Variants in DDX5 observed in about 807,000 individuals in gnomAD.
The protein encoded by DDX5 is probable ATP-dependent RNA helicase DDX5.
Under a neutral mutation model 68.6 loss-of-function variants are expected in DDX5, and 6 were observed. That is an observed-to-expected ratio of 0.09 (90% confidence interval 0.05 to 0.17). DDX5 has a LOEUF of 0.17. DDX5 is among the 10% of genes least tolerant of loss of function. DDX5 has a pLI of 1.00. For synonymous variants in DDX5, 350 were observed against 247.0 expected, an observed-to-expected ratio of 1.42 and a Z score of -3.91; for missense variants, 499 against 756.1, an observed-to-expected ratio of 0.66 and a Z score of 3.99.
rs1303711758 is a variant in DDX5 at position 64,504,898 on chromosome 17, T to A, written c.45-56A>T. 2.0e-6 allele frequency: 3 copies of A among 1,532,162 alleles called. No homozygotes were observed. In the African/African-American group the frequency reaches 4.2e-5, roughly 21 times the overall value. The allele number at this position is 1,532,162 out of a possible 1,614,324, so 94.9% of individuals were successfully genotyped here. A position where few individuals can be genotyped will look rare whatever the true frequency, so the allele number is the denominator to read the frequency against. Reference sequence around the variant, plus strand: ...TCAAATGGCTATACCCAGGTTTCTGTATAGATTTGTCATCCATTGGCACAA... The same window carrying A: ...TCAAATGGCTATACCCAGGTTTCTGAATAGATTTGTCATCCATTGGCACAA... On this transcript the variant is annotated intron_variant, in intron 1 of 12. Transcript: ENST00000225792.
chr17:64,506,720 A>T, upstream of DDX5: 2 of 404,928 alleles, frequency 4.9e-6, no homozygotes, highest in Non-Finnish European at 9.0e-6. Context: ...TTTCCCGTTG[A>T]CGTCGGCGGA....
chr17:64,506,380 C>A, upstream of DDX5: 1 of 1,411,358 alleles, frequency 7.1e-7, no homozygotes, highest in Non-Finnish European at 9.2e-7. Flanking sequence ...CTAATCGCCC[C>A]GCCCCTCGCG....
In DDX5 at chr17:64,506,151, A is replaced by C; in HGVS notation, c.-32T>G. ...AATGGTTGCGGTTGGCGGGGAACGAAGTATATAGAAAAGCGTGCGACAAGT... is the reference window on the plus strand; with the variant it reads ...AATGGTTGCGGTTGGCGGGGAACGACGTATATAGAAAAGCGTGCGACAAGT... On this transcript the variant is annotated 5_prime_UTR_variant, in exon 1 of 13. Coordinates refer to ENST00000225792, the MANE Select transcript of DDX5 (RefSeq NM_004396.5). 1.2e-6 allele frequency: 2 copies of C among 1,606,998 alleles called. No individual in the cohort carries two copies. Among genetic ancestry groups the C allele is most frequent in the East Asian group, 2.2e-5 (1 of 44,674 alleles).
At chr17:64,503,706 C>T in intron 5 of DDX5, 97 bp downstream of exon 5, 1 of 1,530,266 alleles carries the variant, frequency 6.5e-7, no homozygotes, top group Non-Finnish European at 8.9e-7. Flanking sequence ...GTGAGCTAAC[C>T]TCTATATAAA....
At chr17:64,502,664 G>C in intron 8 of DDX5, 115 bp from the exon 9 acceptor site, 1 of 812,304 alleles carries the variant, frequency 1.2e-6, no homozygotes, top group Non-Finnish European at 1.9e-6. Context: ...AAGTCAAAGA[G>C]GAAACGCCTG....
In DDX5 at chr17:64,504,830, A is replaced by T. The variant is rs147893490; in HGVS notation, c.57T>A (p.Pro19=). The change falls in exon 2 of 13, where the codon CCT becomes CCA. Residue 19 remains proline (P), a synonymous_variant. Coordinates refer to ENST00000225792, the MANE Select transcript of DDX5 (RefSeq NM_004396.5). The part of the protein sequence containing the change: ...DRGRDRGFGA[P]RFGGSRAGPL... ...GCCCTGCCCTACTTCCTCCAAATCG[A>T]GGTGCACCAAACCTGGAATGAAAAA... is the stretch of plus-strand genomic sequence containing the variant. The T allele has an allele frequency of 6.1e-5, 97 of 1,602,466 alleles. No individual in the cohort carries two copies. The highest frequency in any genetic ancestry group is 3.2e-4 in the Admixed American group (18 of 56,510).
intron 1 of DDX5, 44 bp downstream of exon 1, chr17:64,506,032 A>AACCCCCCC: frequency 1.1e-4 from 49 of 442,036 alleles, no homozygotes; most frequent in Non-Finnish European, 1.4e-4. Context: ...CCGCCCTCCC[A>AACCCCCCC]TCCCCCCACC....
intron 1 of DDX5, 44 bp downstream of exon 1, chr17:64,506,032 A>ACAC: frequency 2.3e-6 from 1 of 442,546 alleles, no homozygotes; most frequent in Non-Finnish European, 3.1e-6. Flanking sequence ...CCGCCCTCCC[A>ACAC]TCCCCCCACC....
chr17:64,503,128 T>A, intron 7 of DDX5, 30 bp from the exon 8 acceptor site: 1 of 1,611,794 alleles, frequency 6.2e-7, no homozygotes, highest in East Asian at 2.2e-5. Context: ...AAAATTAGTA[T>A]CAGACTCTTA....
rs1598149523 is a variant in DDX5, at chr17:64,503,084, A to G, written c.825T>C (p.Thr275=). ...IVDQIRPDRQ[T]LMWSATWPKE... ...TTGGCCAAGTCGCACTCCACATTAG[A>G]GTTTGCCTATCAGGCTAATGGATTT... is the stretch of plus-strand genomic sequence containing the variant. The change falls in exon 8 of 13, where the codon ACT becomes ACC. Residue 275 remains threonine (T), a synonymous_variant. Transcript: ENST00000225792. 6 of 1,613,468 alleles carry G rather than the reference A, an allele frequency of 3.7e-6. No individual in the cohort carries two copies. Among genetic ancestry groups the G allele is most frequent in the Non-Finnish European group, 5.1e-6 (6 of 1,179,638 alleles).
chr17:64,502,091 T>TG (rs1568101821), intron 10 of DDX5, 22 bp from the exon 11 acceptor site: 1 of 1,614,002 alleles, frequency 6.2e-7, no homozygotes, highest in Non-Finnish European at 8.5e-7. Flanking sequence ...GGCATATACA[T>TG]GATCAATTAT....
At chr17:64,505,173 C>T (rs1464013942) in intron 1 of DDX5, 1 of 289,234 alleles carries the variant, frequency 3.5e-6, no homozygotes, top group African/African-American at 2.2e-5. Context: ...TAATCTTCCC[C>T]ACCAGCCTAG....
chr17:64,506,309 C>T (rs1272073779), upstream of DDX5: 11 of 1,510,224 alleles, frequency 7.3e-6, no homozygotes, highest in South Asian at 8.8e-5. Flanking sequence ...TTTCCGGCAG[C>T]CGCTTTTATA....
At chr17:64,506,019 G>GTGGCCCCC in intron 1 of DDX5, 57 bp downstream of exon 1, 1 of 1,360,436 alleles carries the variant, frequency 7.4e-7, no homozygotes, top group Non-Finnish European at 1.0e-6. Flanking sequence ...CCGCCACCCT[G>GTGGCCCCC]ACCCGCCCTC....
chr17:64,506,772 C>T (rs1221435101), upstream of DDX5: 4 of 520,534 alleles, frequency 7.7e-6, no homozygotes, highest in South Asian at 6.5e-5. Flanking sequence ...GCGCTGCTCG[C>T]ACCCCGGGAC....
At position 64,504,206 on chromosome 17, in the gene DDX5, G is replaced by T; in HGVS notation, c.307+16C>A. ...AACAAAAACACGGGTAGGTAGAACT[G>T]AAAAGTAGCACTTACCAGGGAAATT... On this transcript the variant is annotated intron_variant, in intron 3 of 12. Transcript: ENST00000225792. The T allele has an allele frequency of 6.2e-7, 1 of 1,613,514 alleles. No homozygotes were observed. The highest frequency in any genetic ancestry group is 8.5e-7 in the Non-Finnish European group (1 of 1,179,438).
chr17:64,506,168 G>T lies in DDX5; in HGVS notation c.-49C>A, dbSNP rs782207249. 7 of 1,596,642 alleles carry T rather than the reference G, an allele frequency of 4.4e-6. No homozygotes were observed. In the Middle Eastern group the frequency reaches 5.0e-4, roughly 113 times the overall value. On this transcript the variant is annotated 5_prime_UTR_variant, in exon 1 of 13. Transcript: ENST00000225792. ...GGGAACGAAGTATATAGAAAAGCGT[G>T]CGACAAGTCGCTGGAAATGGCCTCG...
intron 1 of DDX5, chr17:64,505,421 G>T (rs528571490): frequency 3.7e-6 from 2 of 544,358 alleles, no homozygotes; most frequent in East Asian, 6.1e-5. Flanking sequence ...AAAAAGAAAA[G>T]GAGGAGCCGG....
chr17:64,504,275 C>G lies in DDX5; in HGVS notation c.254G>C (p.Arg85Thr). 1.2e-6 allele frequency: 2 copies of G among 1,614,128 alleles called. No individual in the cohort carries two copies. The highest frequency in any genetic ancestry group is 1.7e-6 in the Non-Finnish European group (2 of 1,180,032). ...TYRRSKEITV[R>T]GHNCPKPVLN... ...AACTGGCTTCGGGCAGTTGTGACCT[C>G]TAACTGTAATTTCCTTGCTTCTTCT... The change falls in exon 3 of 13, where the codon AGA becomes ACA. Residue 85 changes from arginine (R) to threonine (T), a missense_variant. Around this residue, in one of 5 missense-constraint regions of DDX5, gnomAD observed 140 missense variants for 135.7 expected, o/e 1.03. Transcript: ENST00000225792.
Sources: gnomAD v4.1 joint callset for allele counts on GRCh38, gnomAD v4.1.1 for gene constraint, gnomAD v4.1.1 regional missense constraint, MANE v1.5 for transcripts, NCBI Gene and HGNC (gene_info 2026-07-23, HGNC 2026-07-21) for gene names.